Variants in PAX3 observed in about 807,000 individuals in gnomAD.
The protein encoded by PAX3 is paired box 3, also known as paired box protein Pax-3.
Under a neutral mutation model 51.6 loss-of-function variants are expected in PAX3, and 14 were observed. The observed-to-expected ratio is 0.27, with a 90% CI of 0.18 to 0.42. The LOEUF (loss-of-function observed/expected upper bound fraction) is 0.42. Ranked by LOEUF, PAX3 falls within the 10% of genes least tolerant of loss-of-function variation. The pLI is 1.00. For synonymous variants in PAX3, 280 were observed against 253.4 expected, an observed-to-expected ratio of 1.11 and a Z score of -1.00; for missense variants, 540 against 642.8, an observed-to-expected ratio of 0.84 and a Z score of 1.73.
intron 4 of PAX3, among the ~76,000 whole-genome samples, chr2:222,278,159 T>C (rs114218382): frequency 9.5e-4 from 145 of 152,252 alleles, no homozygotes; most frequent in African/African-American, 3.3e-3. Flanking sequence ...ATCCCAGTTG[T>C]TCCACTGAGA....
intron 4 of PAX3, chr2:222,265,268 A>G (rs1040452312): frequency 5.3e-5 from 8 of 152,268 alleles, no homozygotes; most frequent in African/African-American, 1.9e-4. Flanking sequence ...GGCAACGCCT[A>G]GTTTCTCCTG....
intron 4 of PAX3, among the ~76,000 whole-genome samples, chr2:222,283,111 C>T (rs965673446): frequency 2.0e-5 from 3 of 152,202 alleles, no homozygotes; most frequent in African/African-American, 7.2e-5. Flanking sequence ...TACAAATAAA[C>T]TCACACGTGT....
At chr2:222,229,307 T>C (rs1223710704) in intron 5 of PAX3, among the ~76,000 whole-genome samples, 1 of 150,916 alleles carries the variant, frequency 6.6e-6, no homozygotes, top group Non-Finnish European at 1.5e-5. Context: ...TATTACTATA[T>C]CAATACTGTA....
intron 4 of PAX3, chr2:222,293,696 CA>C: frequency 1.9e-6 from 3 of 1,614,106 alleles, no homozygotes; most frequent in Non-Finnish European, 2.5e-6. Flanking sequence ...GGCCGTTGCC[CA>C]AAAGAGTACT....
At chr2:222,227,152 G>A (rs576258189) in intron 5 of PAX3, among the ~76,000 whole-genome samples, 4 of 152,238 alleles carry the variant, frequency 2.6e-5, no homozygotes, top group South Asian at 4.1e-4. Context: ...AACTGGGAAC[G>A]AAACCCATAT....
intron 4 of PAX3, among the ~76,000 whole-genome samples, chr2:222,259,007 C>T (rs532808106): frequency 3.9e-5 from 6 of 152,210 alleles, no homozygotes; most frequent in Non-Finnish European, 7.4e-5. Flanking sequence ...ACTAAGCCAG[C>T]GTCAACAAGA....
intron 4 of PAX3, among the ~76,000 whole-genome samples, chr2:222,241,078 G>T (rs1692995902): frequency 6.6e-6 from 1 of 152,110 alleles, no homozygotes; most frequent in South Asian, 2.1e-4. Context: ...TTAAGAGCCA[G>T]GGCTGCTATC....
chr2:222,216,727 G>C lies in PAX3; in HGVS notation c.1173+3413C>G, dbSNP rs62188372. On this transcript the variant is annotated intron_variant, in intron 7 of 8. Coordinates refer to ENST00000392070, the MANE Select transcript of PAX3 (RefSeq NM_181458.4). ...ACAAACACACACACACACACACACA[G>C]AGAGAGAGAGAGAGATGCTTTGGCT... Among the ~76,000 whole-genome samples the C allele has an allele frequency of 9.9e-3, 1,389 of 140,640 alleles. 15 individuals are homozygous for C. Among genetic ancestry groups the C allele is most frequent in the African/African-American group, 0.029 (1,151 of 40,334 alleles). The allele number at this position is 140,640 out of a possible 152,430, so 92.3% of individuals were successfully genotyped here. A position where few individuals can be genotyped will look rare whatever the true frequency, so the allele number is the denominator to read the frequency against.
At chr2:222,273,950 G>A (rs1694335481) in intron 4 of PAX3, among the ~76,000 whole-genome samples, 2 of 152,104 alleles carry the variant, frequency 1.3e-5, no homozygotes, top group Admixed American at 1.3e-4. Context: ...GGTATAAATT[G>A]TAATCTGTTC....
intron 4 of PAX3, among the ~76,000 whole-genome samples, chr2:222,235,566 T>C (rs1288727108): frequency 6.6e-6 from 1 of 152,160 alleles, no homozygotes; most frequent in Non-Finnish European, 1.5e-5. Context: ...TTTCAGAGGA[T>C]TGTGGGCTTT....
chr2:222,224,898 G>A (rs1334470485), intron 5 of PAX3, among the ~76,000 whole-genome samples: 1 of 152,180 alleles, frequency 6.6e-6, no homozygotes, highest in African/African-American at 2.4e-5. Context: ...ACTGGCCTAT[G>A]ACTGATGTTC....
intron 5 of PAX3, among the ~76,000 whole-genome samples, chr2:222,226,158 C>T (rs1405810150): frequency 1.3e-5 from 2 of 152,148 alleles, no homozygotes; most frequent in Non-Finnish European, 2.9e-5. Context: ...AATAGTTAAT[C>T]CTTAGAAAGA....
intron 4 of PAX3, among the ~76,000 whole-genome samples, chr2:222,283,509 A>AT (rs564897982): frequency 0.015 from 2,297 of 151,978 alleles, 25 homozygotes; most frequent in Non-Finnish European, 0.024. Context: ...AAATACGATA[A>AT]TTTTTTTTTA....
intron 4 of PAX3, among the ~76,000 whole-genome samples, chr2:222,280,630 T>A (rs72962683): frequency 0.12 from 17,746 of 152,160 alleles, 1,172 homozygotes; most frequent in East Asian, 0.25. Flanking sequence ...GTCATCCCAC[T>A]TATCCATTGG....
intron 4 of PAX3, among the ~76,000 whole-genome samples, chr2:222,239,522 G>T (rs1049247125): frequency 8.6e-5 from 13 of 151,400 alleles, no homozygotes; most frequent in African/African-American, 3.2e-4. Flanking sequence ...AAACAGATAT[G>T]CAGGTGGAAA....
chr2:222,228,231 A>T (rs1292579019), intron 5 of PAX3, among the ~76,000 whole-genome samples: 2 of 152,180 alleles, frequency 1.3e-5, no homozygotes, highest in African/African-American at 4.8e-5. Context: ...GCCAGCCATG[A>T]TGTGTCTCAA....
intron 4 of PAX3, among the ~76,000 whole-genome samples, chr2:222,237,878 G>T (rs1231645127): frequency 6.6e-6 from 1 of 152,170 alleles, no homozygotes; most frequent in Non-Finnish European, 1.5e-5. Context: ...AAGCAAAAGT[G>T]CAGGAAGGAA....
intron 5 of PAX3, among the ~76,000 whole-genome samples, chr2:222,229,465 C>T (rs1692504802): frequency 6.6e-6 from 1 of 152,076 alleles, no homozygotes; most frequent in Non-Finnish European, 1.5e-5. Flanking sequence ...CTATCTACAA[C>T]TCTTCCTTTC....
At chr2:222,201,923 C>T (rs998446991) in intron 8 of PAX3, 21 bp downstream of exon 8, 7 of 1,613,906 alleles carry the variant, frequency 4.3e-6, no homozygotes, top group African/African-American at 4.0e-5. Context: ...GAAATTGCCC[C>T]CTAAAAAGTC....
Sources: gnomAD v4.1 joint callset for allele counts (sites outside exome capture counted in the v4.1 genomes callset) on GRCh38, gnomAD v4.1.1 for gene constraint, MANE v1.5 for transcripts, NCBI Gene and HGNC (gene_info 2026-07-23, HGNC 2026-07-21) for gene names.